Variants in MEIS2 observed in about 807,000 individuals in gnomAD.
MEIS2 encodes the protein homeobox protein Meis2.
Under a neutral mutation model 58.6 loss-of-function variants are expected in MEIS2, and 9 were observed. That is an observed-to-expected ratio of 0.15 (90% CI 0.09 to 0.27). The LOEUF is 0.27. MEIS2 is among the 10% of genes least tolerant of loss of function. MEIS2 has a pLI of 1.00. For missense variants in MEIS2, 427 were observed against 635.0 expected (o/e 0.67, Z 3.52); for synonymous variants, 221 against 228.4 (o/e 0.97, Z 0.29).
intron 11 of MEIS2, among the ~76,000 whole-genome samples, chr15:36,894,124 T>C (rs2056038439): frequency 1.3e-5 from 2 of 152,216 alleles, no homozygotes; most frequent in Non-Finnish European, 2.9e-5. Context: ...TGACTGACTT[T>C]CCTGTCTTTC....
At chr15:36,923,785 T>C (rs1303333011) in intron 9 of MEIS2, among the ~76,000 whole-genome samples, 15 of 152,184 alleles carry the variant, frequency 9.9e-5, no homozygotes, top group Non-Finnish European at 1.5e-5. Flanking sequence ...TCTCCTTTTG[T>C]TCACCTTGAC....
At chr15:37,045,289 T>C (rs977901660) in intron 7 of MEIS2, among the ~76,000 whole-genome samples, 2 of 152,136 alleles carry the variant, frequency 1.3e-5, no homozygotes, top group African/African-American at 4.8e-5. Context: ...CACACGGTAT[T>C]TTATGGACTA....
chr15:37,022,935 G>A (rs1328841279), intron 8 of MEIS2, among the ~76,000 whole-genome samples: 1 of 152,184 alleles, frequency 6.6e-6, no homozygotes. Context: ...GATTACAGGC[G>A]TGGTCCACTG....
chr15:36,953,504 T>A (rs1323484656), intron 8 of MEIS2, among the ~76,000 whole-genome samples: 2 of 152,192 alleles, frequency 1.3e-5, no homozygotes, highest in Non-Finnish European at 2.9e-5. Flanking sequence ...CCCACTCTAG[T>A]CCAGTGGCCC....
intron 7 of MEIS2, among the ~76,000 whole-genome samples, chr15:37,062,983 A>G (rs1052689535): frequency 6.6e-6 from 1 of 152,166 alleles, no homozygotes; most frequent in Non-Finnish European, 1.5e-5. Context: ...AAAACCATAT[A>G]TGGCATTACA....
At chr15:37,010,725 A>C (rs1048700121) in intron 8 of MEIS2, among the ~76,000 whole-genome samples, 1 of 152,256 alleles carries the variant, frequency 6.6e-6, no homozygotes, top group Admixed American at 6.5e-5. Context: ...AGCGTTATTC[A>C]GATCAGCTGT....
intron 2 of MEIS2, 99 bp downstream of exon 2, chr15:37,097,868 G>C: frequency 6.9e-7 from 1 of 1,448,766 alleles, no homozygotes; most frequent in South Asian, 1.4e-5. Context: ...CCATACAGAA[G>C]TAACTCCCCA....
chr15:37,029,642 G>T (rs568729425), intron 8 of MEIS2, among the ~76,000 whole-genome samples: 1 of 152,230 alleles, frequency 6.6e-6, no homozygotes, highest in African/African-American at 2.4e-5. Context: ...GCTTCAAGCA[G>T]CTAGAAAGCC....
At chr15:36,995,980 T>TGG (rs1567159797) in intron 8 of MEIS2, among the ~76,000 whole-genome samples, 1 of 62,258 alleles carries the variant, frequency 1.6e-5, no homozygotes, top group Non-Finnish European at 3.8e-5. Context: ...TATATATATA[T>TGG]ATATATATAT....
At chr15:36,913,748 AAGG>A (rs2057150470) in intron 9 of MEIS2, among the ~76,000 whole-genome samples, 1 of 152,068 alleles carries the variant, frequency 6.6e-6, no homozygotes, top group Non-Finnish European at 1.5e-5. Flanking sequence ...AAAAAAGCTT[AAGG>A]AGATTTTTTT....
At chr15:37,040,244 T>C (rs992104682) in intron 7 of MEIS2, among the ~76,000 whole-genome samples, 4 of 152,238 alleles carry the variant, frequency 2.6e-5, no homozygotes, top group Non-Finnish European at 5.9e-5. Flanking sequence ...TGTGGAATCC[T>C]TGCGGGCAGT....
At chr15:36,910,765 T>G (rs2056971889) in intron 9 of MEIS2, among the ~76,000 whole-genome samples, 1 of 152,116 alleles carries the variant, frequency 6.6e-6, no homozygotes, top group South Asian at 2.1e-4. Flanking sequence ...TTCTATCTCT[T>G]GCTGGGCGCA....
At position 37,099,790 on chromosome 15, in the gene MEIS2, C is replaced by T. The variant is rs974284646; in HGVS notation, c.-324G>A. ...CCTCCTTTCCCCCTCTTTCTCTTCT[C>T]TTCCCCTCAGTTGGAAAAAAAAAGA... is the stretch of plus-strand genomic sequence containing the variant. On this transcript the variant is annotated 5_prime_UTR_variant, in exon 1 of 12. Coordinates refer to ENST00000561208, the MANE Select transcript of MEIS2 (RefSeq NM_170675.5). 1.3e-4 allele frequency: 40 copies of T among 308,588 alleles called. No homozygotes were observed. The highest frequency in any genetic ancestry group is 2.1e-4 in the Non-Finnish European group (36 of 174,106). The allele number at this position is 308,588 out of a possible 1,614,324, so 19.1% of individuals were successfully genotyped here. A position where few individuals can be genotyped will look rare whatever the true frequency, so the allele number is the denominator to read the frequency against.
chr15:36,902,449 TCA>T (rs1477100394), intron 9 of MEIS2, among the ~76,000 whole-genome samples: 2 of 152,210 alleles, frequency 1.3e-5, no homozygotes, highest in Admixed American at 1.3e-4. Context: ...TCTTTTGGAA[TCA>T]CACTCTCTGT....
intron 9 of MEIS2, among the ~76,000 whole-genome samples, chr15:36,942,820 C>T (rs149698914): frequency 9.9e-5 from 15 of 152,056 alleles, no homozygotes; most frequent in African/African-American, 3.4e-4. Flanking sequence ...AGATTCAGAA[C>T]CAGGCTATGG....
intron 9 of MEIS2, among the ~76,000 whole-genome samples, chr15:36,912,957 G>T (rs1219586414): frequency 6.6e-6 from 1 of 152,068 alleles, no homozygotes; most frequent in Admixed American, 6.6e-5. Context: ...TTTTAATAGT[G>T]CTTGTTTCCA....
chr15:36,942,457 C>T (rs1193599756), intron 9 of MEIS2, among the ~76,000 whole-genome samples: 1 of 152,070 alleles, frequency 6.6e-6, no homozygotes, highest in Non-Finnish European at 1.5e-5. Flanking sequence ...CAGGAAGCGC[C>T]ACCTAACCGA....
chr15:36,970,809 A>G (rs2059526418), intron 8 of MEIS2, among the ~76,000 whole-genome samples: 1 of 152,206 alleles, frequency 6.6e-6, no homozygotes, highest in African/African-American at 2.4e-5. Flanking sequence ...ATCAAACATG[A>G]GCTGAGGCTA....
At chr15:36,914,380 T>C (rs2057177376) in intron 9 of MEIS2, among the ~76,000 whole-genome samples, 2 of 152,360 alleles carry the variant, frequency 1.3e-5, no homozygotes, top group South Asian at 4.1e-4. Flanking sequence ...TTTTCAAAAA[T>C]GTTAATGCAA....
Sources: allele counts gnomAD v4.1 joint callset (sites outside exome capture counted in the v4.1 genomes callset), GRCh38; gene constraint gnomAD v4.1.1; transcripts MANE v1.5; gene names NCBI Gene and HGNC (gene_info 2026-07-23, HGNC 2026-07-21).